The following DDHD1 variants were observed in gnomAD, a reference collection of about 807,000 sequenced individuals.
DDHD1 encodes the protein phospholipase DDHD1.
Under a neutral mutation model 96.4 loss-of-function variants are expected in DDHD1, and 49 were observed. That is an observed-to-expected ratio of 0.51 (90% CI 0.40 to 0.64). The LOEUF is 0.64. DDHD1 is among the 30% of genes least tolerant of loss of function. The probability of loss-of-function intolerance (pLI) is 0.00; values close to 1 mark genes in which losing one functional copy is unlikely to be tolerated. For synonymous variants in DDHD1, 442 were observed against 446.5 expected (o/e 0.99, Z 0.13); for missense variants, 1,106 against 1,161.2 (o/e 0.95, Z 0.69).
intron 4 of DDHD1, among the ~76,000 whole-genome samples, chr14:53,090,068 T>C (rs1376242509): frequency 1.3e-5 from 2 of 152,178 alleles, no homozygotes; most frequent in East Asian, 3.9e-4. Flanking sequence ...GCAACGGATA[T>C]GAAGAGACAC....
chr14:53,106,661 T>C lies in DDHD1; in HGVS notation c.839-2805A>G, dbSNP rs540136737. ...GACAGAGTGAGACCAAAAAAAAATA[T>C]ATTGTTCTTAAGGAATCTGATGTCA... On this transcript the variant is annotated intron_variant, in intron 1 of 12. Transcript: ENST00000673822. 1.2e-3 allele frequency among the ~76,000 whole-genome samples: 178 copies of C among 152,084 alleles called. 1 individual carries two copies. The highest frequency in any genetic ancestry group is 4.0e-3 in the African/African-American group (166 of 41,492).
intron 4 of DDHD1, among the ~76,000 whole-genome samples, chr14:53,085,643 C>T (rs1432224719): frequency 2.6e-5 from 4 of 152,116 alleles, no homozygotes; most frequent in South Asian, 4.1e-4. Flanking sequence ...CCCATCTGTA[C>T]GTCACCATCA....
intron 6 of DDHD1, among the ~76,000 whole-genome samples, chr14:53,072,180 G>A (rs1884565074): frequency 2.0e-5 from 3 of 151,916 alleles, no homozygotes; most frequent in African/African-American, 7.2e-5. Flanking sequence ...TTCACCTCTC[G>A]CCCCCAGTGT....
chr14:53,147,775 G>A (rs2139913023), intron 1 of DDHD1, among the ~76,000 whole-genome samples: 1 of 152,256 alleles, frequency 6.6e-6, no homozygotes, highest in East Asian at 1.9e-4. Context: ...GTTATAAAGA[G>A]TAAAAGATAA....
intron 1 of DDHD1, among the ~76,000 whole-genome samples, chr14:53,113,938 T>A (rs898226723): frequency 6.6e-6 from 1 of 152,052 alleles, no homozygotes; most frequent in Non-Finnish European, 1.5e-5. Context: ...TGGGTCCCAC[T>A]CCCATGGAGC....
intron 1 of DDHD1, among the ~76,000 whole-genome samples, chr14:53,117,527 G>A (rs1888640839): frequency 1.3e-5 from 2 of 152,220 alleles, no homozygotes; most frequent in South Asian, 2.1e-4. Context: ...CACACCCACG[G>A]AGCCTTGCTC....
chr14:53,056,692 A>C (rs182071705), intron 9 of DDHD1, among the ~76,000 whole-genome samples: 10 of 152,354 alleles, frequency 6.6e-5, no homozygotes, highest in African/African-American at 2.4e-4. Context: ...CCTCTCTTAC[A>C]GAGATGTGAG....
chr14:53,130,329 C>T (rs1270764431), intron 1 of DDHD1, among the ~76,000 whole-genome samples: 1 of 152,134 alleles, frequency 6.6e-6, no homozygotes, highest in African/African-American at 2.4e-5. Context: ...AGACCTTCCC[C>T]AAATCAGTTA....
At chr14:53,113,349 CT>C (rs111843777) in intron 1 of DDHD1, among the ~76,000 whole-genome samples, 376 of 107,032 alleles carry the variant, frequency 3.5e-3, no homozygotes, top group African/African-American at 0.01. Context: ...TTTTCTTTTT[CT>C]TTTTTTTTTC....
chr14:53,118,839 C>T (rs529458164), intron 1 of DDHD1, among the ~76,000 whole-genome samples: 1 of 152,218 alleles, frequency 6.6e-6, no homozygotes, highest in South Asian at 2.1e-4. Flanking sequence ...TCGAGAAGAG[C>T]AACCCCAAGA....
rs139838546 is a variant in DDHD1 at position 53,091,883 on chromosome 14, T to C, written c.1191A>G (p.Thr397=). The C allele has an allele frequency of 9.8e-4, 1,582 of 1,613,712 alleles. 2 individuals carry two copies. Among genetic ancestry groups the C allele is most frequent in the Non-Finnish European group, 8.5e-4 (1,000 of 1,179,736 alleles). Residue 397 remains threonine (T), a synonymous_variant, in exon 4 of 13, where the codon ACA becomes ACG. Coordinates refer to ENST00000673822, the MANE Select transcript of DDHD1 (RefSeq NM_001160148.2). ...TAGTCTGTGATGGCTTGTCTTCTAA[T>C]GTGGCTTCTTCTACATAACCTCTAT... is the stretch of plus-strand genomic sequence containing the variant. ...RLHRGYVEEA[T]LEDKPSQTTH... is the part of the protein sequence containing the mutation.
rs572105618 is a variant in DDHD1, at chr14:53,140,882, A to C, written c.838+11379T>G. ...AGTAAAAGGACAGGAAAAGATACAA[A>C]TTGCAAATACTAATCAAAAGGAATC... On this transcript the variant is annotated intron_variant, in intron 1 of 12. Coordinates refer to ENST00000673822, the MANE Select transcript of DDHD1 (RefSeq NM_001160148.2). 2.5e-4 allele frequency among the ~76,000 whole-genome samples: 38 copies of C among 152,352 alleles called. 1 individual carries two copies. The South Asian group carries it at 7.0e-3, about 28-fold the overall frequency.
At chr14:53,137,940 A>G (rs1890354686) in intron 1 of DDHD1, among the ~76,000 whole-genome samples, 1 of 152,218 alleles carries the variant, frequency 6.6e-6, no homozygotes. Context: ...TAGAAGAACA[A>G]AGATAAAAAC....
intron 4 of DDHD1, among the ~76,000 whole-genome samples, chr14:53,085,743 C>T (rs747933923): frequency 6.6e-6 from 1 of 152,202 alleles, no homozygotes; most frequent in African/African-American, 2.4e-5. Flanking sequence ...ACCTCGTCTC[C>T]TCCAAAGGAT....
chr14:53,050,851 G>A (rs1370277591), intron 12 of DDHD1, among the ~76,000 whole-genome samples: 1 of 151,974 alleles, frequency 6.6e-6, no homozygotes, highest in African/African-American at 2.4e-5. Context: ...TTGAGATACT[G>A]GATATATGGG....
At chr14:53,088,358 C>T (rs1886154126) in intron 4 of DDHD1, among the ~76,000 whole-genome samples, 1 of 152,062 alleles carries the variant, frequency 6.6e-6, no homozygotes, top group African/African-American at 2.4e-5. Context: ...CTGGCAGAGA[C>T]ACAACAAAAA....
At chr14:53,113,537 C>T (rs1045295249) in intron 1 of DDHD1, among the ~76,000 whole-genome samples, 1 of 152,056 alleles carries the variant, frequency 6.6e-6, no homozygotes, top group Non-Finnish European at 1.5e-5. Context: ...TCTGCATTTC[C>T]AACTGAGGTG....
intron 1 of DDHD1, among the ~76,000 whole-genome samples, chr14:53,126,510 G>A (rs1436364609): frequency 6.6e-6 from 1 of 152,132 alleles, no homozygotes. Flanking sequence ...GGGACTACAG[G>A]CATGCGCCAC....
intron 4 of DDHD1, among the ~76,000 whole-genome samples, chr14:53,088,035 C>T (rs572788208): frequency 6.6e-6 from 1 of 152,322 alleles, no homozygotes; most frequent in South Asian, 2.1e-4. Flanking sequence ...ATACTATAAA[C>T]ACCTCTATGC....
Sources: allele counts gnomAD v4.1 joint callset (sites outside exome capture counted in the v4.1 genomes callset), GRCh38; gene constraint gnomAD v4.1.1; transcripts MANE v1.5; gene names NCBI Gene and HGNC (gene_info 2026-07-23, HGNC 2026-07-21).